The following MYO10 variants were observed in gnomAD, a reference collection of about 807,000 sequenced individuals.
MYO10 encodes the protein myosin X, also known as unconventional myosin-X.
Under a neutral mutation model 257.3 loss-of-function variants are expected in MYO10, and 133 were observed. That is an observed-to-expected ratio of 0.52 (90% CI 0.45 to 0.60). MYO10 has a LOEUF of 0.60. MYO10 is among the 20% of genes least tolerant of loss of function. The pLI, the probability that MYO10 is intolerant of heterozygous loss-of-function variation, is 0.00. For missense variants in MYO10, 2,399 were observed against 2,635.7 expected (o/e 0.91, Z 1.97); for synonymous variants, 1,104 against 1,028.6 (o/e 1.07, Z -1.40).
At chr5:16,878,978 T>G (rs1323727037) in intron 1 of MYO10, among the ~76,000 whole-genome samples, 2 of 147,610 alleles carry the variant, frequency 1.4e-5, no homozygotes, top group East Asian at 3.9e-4. Flanking sequence ...CAAAAACTAA[T>G]GAAATTTAAA....
chr5:16,725,068 C>CCTT lies in MYO10; in HGVS notation c.1930-13826_1930-13824dup, dbSNP rs1450175585. ...CCTGTCAGGATATACAGTTCTCTCA[C>CCTT]CTTCTTCTTCTTTTTTTTTTTTTTT... On this transcript the variant is annotated intron_variant, in intron 19 of 40. Transcript: ENST00000513610. Among the ~76,000 whole-genome samples the CCTT allele has an allele frequency of 2.5e-4, 36 of 145,828 alleles. 2 individuals carry two copies. Among genetic ancestry groups the CCTT allele is most frequent in the African/African-American group, 7.7e-4 (31 of 40,018 alleles).
At chr5:16,902,106 C>A (rs1037394586) in intron 1 of MYO10, among the ~76,000 whole-genome samples, 10 of 152,036 alleles carry the variant, frequency 6.6e-5, no homozygotes, top group Middle Eastern at 6.8e-3. Flanking sequence ...AATGCAGAGG[C>A]GCAATATGGG....
intron 2 of MYO10, among the ~76,000 whole-genome samples, chr5:16,850,888 G>C (rs1026896063): frequency 1.3e-5 from 2 of 151,966 alleles, no homozygotes; most frequent in Admixed American, 6.6e-5. Flanking sequence ...TGCTATCTCT[G>C]CCTCCCGGGT....
intron 9 of MYO10, among the ~76,000 whole-genome samples, chr5:16,773,175 T>C (rs1278106142): frequency 6.6e-6 from 1 of 152,174 alleles, no homozygotes; most frequent in Non-Finnish European, 1.5e-5. Flanking sequence ...ATAAGAACTA[T>C]TTGCCAAGTG....
chr5:16,924,899 C>T (rs1318935236), intron 1 of MYO10, among the ~76,000 whole-genome samples: 6 of 147,014 alleles, frequency 4.1e-5, no homozygotes, highest in South Asian at 2.2e-4. Flanking sequence ...GGCACGATCT[C>T]TGCTCACTGC....
At chr5:16,709,888 G>C (rs750427537) in intron 21 of MYO10, among the ~76,000 whole-genome samples, 1 of 133,638 alleles carries the variant, frequency 7.5e-6, no homozygotes, top group Non-Finnish European at 1.6e-5. Flanking sequence ...TTTCCCTAGA[G>C]CAGGGAGGTA....
chr5:16,803,740 C>A (rs1742189371), intron 3 of MYO10, among the ~76,000 whole-genome samples: 1 of 152,126 alleles, frequency 6.6e-6, no homozygotes, highest in Non-Finnish European at 1.5e-5. Context: ...GTGTGTCTGG[C>A]TGGTACAAAG....
chr5:16,703,336 CAA>C (rs1322380983), intron 22 of MYO10, among the ~76,000 whole-genome samples, 178 bp from the exon 23 acceptor site: 1 of 152,064 alleles, frequency 6.6e-6, no homozygotes, highest in Non-Finnish European at 1.5e-5. Context: ...AGGAGAAAAA[CAA>C]AGAAATAATA....
intron 28 of MYO10, 38 bp from the exon 29 acceptor site, chr5:16,685,869 A>G (rs1348047680): frequency 6.6e-7 from 1 of 1,511,680 alleles, no homozygotes; most frequent in East Asian, 2.4e-5. Context: ...GGAGAGGCCA[A>G]CCTCGTACTG....
chr5:16,841,328 G>A (rs1743474963), intron 2 of MYO10, among the ~76,000 whole-genome samples: 1 of 152,086 alleles, frequency 6.6e-6, no homozygotes, highest in South Asian at 2.1e-4. Flanking sequence ...TATTTTGTGA[G>A]TTGAACTACG....
chr5:16,828,601 C>G (rs1186516702), intron 2 of MYO10, among the ~76,000 whole-genome samples: 1 of 125,018 alleles, frequency 8.0e-6, no homozygotes, highest in African/African-American at 3.2e-5. Context: ...GCCTGGATGA[C>G]AGAGAGAGAC....
intron 19 of MYO10, among the ~76,000 whole-genome samples, chr5:16,732,426 A>G (rs1739620335): frequency 6.6e-6 from 1 of 152,214 alleles, no homozygotes; most frequent in Non-Finnish European, 1.5e-5. Flanking sequence ...AAACCTTTTT[A>G]TCTGGCTAAA....
intron 17 of MYO10, among the ~76,000 whole-genome samples, chr5:16,760,079 A>G (rs1740659346): frequency 6.6e-6 from 1 of 151,962 alleles, no homozygotes; most frequent in South Asian, 2.1e-4. Context: ...GATTCCCACC[A>G]GATCCAACAC....
intron 39 of MYO10, among the ~76,000 whole-genome samples, chr5:16,669,744 A>G (rs1281996952): frequency 6.6e-6 from 1 of 152,216 alleles, no homozygotes; most frequent in Non-Finnish European, 1.5e-5. Context: ...TACAGCCTCA[A>G]TATAAAGTCA....
At chr5:16,827,982 G>C (rs1002863102) in intron 2 of MYO10, among the ~76,000 whole-genome samples, 17 of 152,160 alleles carry the variant, frequency 1.1e-4, no homozygotes, top group African/African-American at 3.9e-4. Context: ...AGCATGCGTG[G>C]TAGAGTCAGA....
At position 16,696,805 on chromosome 5, in the gene MYO10, G is replaced by A. The variant is rs948182562; in HGVS notation, c.3557-2191C>T. Among the ~76,000 whole-genome samples the A allele has an allele frequency of 4.0e-5, 6 of 148,476 alleles. No individual in the cohort carries two copies. The South Asian group carries it at 6.3e-4, about 16-fold the overall frequency. ...TGGGAGGCGGCAGTTGTGGTGAGCC[G>A]AGTTCGCACCACTGCACTCCAGCCT... On this transcript the variant is annotated intron_variant, in intron 26 of 40. Transcript: ENST00000513610.
chr5:16,897,318 AAG>A (rs1554007107), intron 1 of MYO10, among the ~76,000 whole-genome samples: 1 of 151,866 alleles, frequency 6.6e-6, no homozygotes, highest in Non-Finnish European at 1.5e-5. Flanking sequence ...AAAAAAAAAA[AAG>A]TCCTTTATCA....
In MYO10 at chr5:16,866,014, AACACACACACACACAC is replaced by A. The variant is rs34718010; in HGVS notation, c.120+11579_120+11594del. ...GTTTTATGTCATATTTATTTACCCA[AACACACACACACACAC>A]ACACACACACACACACACACACACA... On this transcript the variant is annotated intron_variant, in intron 2 of 40. Transcript: ENST00000513610. Among the ~76,000 whole-genome samples, 676 of 136,556 alleles carry A rather than the reference AACACACACACACACAC, an allele frequency of 5.0e-3. 3 individuals are homozygous for A. Among genetic ancestry groups the A allele is most frequent in the Non-Finnish European group, 7.0e-3 (447 of 63,800 alleles). The allele number at this position is 136,556 out of a possible 152,430, so 89.6% of individuals were successfully genotyped here.
intron 2 of MYO10, among the ~76,000 whole-genome samples, chr5:16,868,384 C>A (rs1205265820): frequency 6.6e-6 from 1 of 152,294 alleles, no homozygotes; most frequent in East Asian, 1.9e-4. Context: ...GCAGGCAGAT[C>A]ACAAGGTCAG....
Sources: allele counts gnomAD v4.1 joint callset (sites outside exome capture counted in the v4.1 genomes callset), GRCh38; gene constraint gnomAD v4.1.1; transcripts MANE v1.5; gene names NCBI Gene and HGNC (gene_info 2026-07-23, HGNC 2026-07-21).